The following NOPCHAP1 variants were observed in gnomAD, a reference collection of about 807,000 sequenced individuals.
NOPCHAP1 encodes the protein DNA damage-sensitive RNA 1.
A neutral mutation model predicts 14.0 loss-of-function variants in NOPCHAP1; 13 were observed. That is an observed-to-expected ratio of 0.93 (90% confidence interval 0.60 to 1.47). The LOEUF is 1.47. Among genes scored for constraint, NOPCHAP1 ranks in the 40% most tolerant of loss-of-function variants. The pLI, the probability that NOPCHAP1 is intolerant of heterozygous loss-of-function variation, is 0.00. For missense variants in NOPCHAP1, 230 were observed against 226.9 expected (o/e 1.01, Z -0.09); for synonymous variants, 78 against 78.4 (o/e 1.00, Z 0.03).
chr12:104,992,086 G>A (rs1388071425), intron 3 of NOPCHAP1, among the ~76,000 whole-genome samples: 4 of 152,176 alleles, frequency 2.6e-5, no homozygotes, highest in Middle Eastern at 3.4e-3. Context: ...TAATTTACTC[G>A]ATGTCCTAAC....
chr12:104,990,713 G>A (rs529045721), intron 2 of NOPCHAP1, among the ~76,000 whole-genome samples: 2 of 152,210 alleles, frequency 1.3e-5, no homozygotes, highest in Non-Finnish European at 2.9e-5. Flanking sequence ...ATTTGGCACA[G>A]TGACTGACAG....
chr12:105,008,894 T>A lies in NOPCHAP1; in HGVS notation c.*14198T>A, dbSNP rs907772509. 1 of 152,222 alleles carries A rather than the reference T, an allele frequency of 6.6e-6. No individual in the cohort carries two copies. Among genetic ancestry groups the A allele is most frequent in the African/African-American group, 2.4e-5 (1 of 41,458 alleles). The allele number at this position is 152,222 out of a possible 1,614,324, so 9.4% of individuals were successfully genotyped here. On this transcript the variant is annotated 3_prime_UTR_variant, in exon 4 of 4. Coordinates refer to ENST00000552951, the MANE Select transcript of NOPCHAP1 (RefSeq NM_152318.3). ...TGTTTTGGTTACTATAGCCTTGTAGTATAGTTTGAAGTCAGGTAGCGTGAT... is the reference window on the plus strand; with the variant it reads ...TGTTTTGGTTACTATAGCCTTGTAGAATAGTTTGAAGTCAGGTAGCGTGAT...
rs1214279406 is a variant in NOPCHAP1, at chr12:104,995,745, ATCTCAGC to A, written c.*1052_*1058del. ...GCTCAGGCTGGAGTGCAGTGGCGCGATCTCAGCTCACTACAAGCTCTGCCTCCCGGGT... is the reference window on the plus strand; with the variant it reads ...GCTCAGGCTGGAGTGCAGTGGCGCGATCACTACAAGCTCTGCCTCCCGGGT... On this transcript the variant is annotated 3_prime_UTR_variant, in exon 4 of 4. Coordinates refer to ENST00000552951, the MANE Select transcript of NOPCHAP1 (RefSeq NM_152318.3). 6.6e-6 allele frequency: 1 copy of A among 151,306 alleles called. No individual in the cohort carries two copies. Among genetic ancestry groups the A allele is most frequent in the African/African-American group, 2.4e-5 (1 of 41,020 alleles). The allele number at this position is 151,306 out of a possible 1,614,324, so 9.4% of individuals were successfully genotyped here. A position where few individuals can be genotyped will look rare whatever the true frequency, so the allele number is the denominator to read the frequency against.
chr12:104,991,208 T>C (rs1345666710), intron 2 of NOPCHAP1, among the ~76,000 whole-genome samples: 2 of 152,066 alleles, frequency 1.3e-5, no homozygotes, highest in African/African-American at 2.4e-5. Flanking sequence ...TAGGCATGTA[T>C]GGGGTGAGGG....
At position 105,006,196 on chromosome 12, in the gene NOPCHAP1, T is replaced by G. The variant is rs955223276; in HGVS notation, c.*11500T>G. 1 of 152,250 alleles carries G rather than the reference T, an allele frequency of 6.6e-6. No homozygotes were observed. The highest frequency in any genetic ancestry group is 2.4e-5 in the African/African-American group (1 of 41,468). The allele number at this position is 152,250 out of a possible 1,614,324, so 9.4% of individuals were successfully genotyped here. ...ACAGTTTTTTTCAGCACAAATTTAT[T>G]GTTTCAGGCTTGATGGCTTTCACAG... On this transcript the variant is annotated 3_prime_UTR_variant, in exon 4 of 4. Coordinates refer to ENST00000552951, the MANE Select transcript of NOPCHAP1 (RefSeq NM_152318.3).
In NOPCHAP1 at chr12:105,002,759, G is replaced by A. The variant is rs1873633484; in HGVS notation, c.*8063G>A. 1.3e-5 allele frequency: 2 copies of A among 152,124 alleles called. No homozygotes were observed. 9.4% of individuals were successfully genotyped at this position (152,124 alleles called of 1,614,324 possible). A position where few individuals can be genotyped will look rare whatever the true frequency, so the allele number is the denominator to read the frequency against. ...AGAGAGTCCTGGCTTGTAAGCTCCT[G>A]TGCAAATTCTAAAATCTTCAGTACA... On this transcript the variant is annotated 3_prime_UTR_variant, in exon 4 of 4. Transcript: ENST00000552951.
rs1873464668 is a variant in NOPCHAP1, at chr12:104,994,829, A to T, written c.*133A>T. 3.9e-6 allele frequency: 3 copies of T among 774,172 alleles called. No individual in the cohort carries two copies. The highest frequency in any genetic ancestry group is 6.3e-6 in the Non-Finnish European group (3 of 476,404). The allele number at this position is 774,172 out of a possible 1,614,324, so 48.0% of individuals were successfully genotyped here. On this transcript the variant is annotated 3_prime_UTR_variant, in exon 4 of 4. Transcript: ENST00000552951. Reference sequence around the variant, plus strand: ...TATGTTAAAAACTTTAGACAAGTTAAATTTGACAGAGTTTCTTTGGGCAAA... The same window carrying T: ...TATGTTAAAAACTTTAGACAAGTTATATTTGACAGAGTTTCTTTGGGCAAA...
chr12:104,993,108 G>A (rs1873419417), intron 3 of NOPCHAP1, among the ~76,000 whole-genome samples: 1 of 152,120 alleles, frequency 6.6e-6, no homozygotes, highest in Non-Finnish European at 1.5e-5. Flanking sequence ...CCTGATAGCT[G>A]TATTATTATT....
In NOPCHAP1 at chr12:104,997,204, T is replaced by G. The variant is rs1873517135; in HGVS notation, c.*2508T>G. 2 of 152,224 alleles carry G rather than the reference T, an allele frequency of 1.3e-5. No homozygotes were observed. Among genetic ancestry groups the G allele is most frequent in the South Asian group, 2.1e-4 (1 of 4,838 alleles). The allele number at this position is 152,224 out of a possible 1,614,324, so 9.4% of individuals were successfully genotyped here. The stretch of plus-strand genomic sequence containing the variant: ...TTACTAATCTACCTACTTAAGTGTG[T>G]TTTTGTAGCGGCTGGTAACCCAGTC... On this transcript the variant is annotated 3_prime_UTR_variant, in exon 4 of 4. Coordinates refer to ENST00000552951, the MANE Select transcript of NOPCHAP1 (RefSeq NM_152318.3).
At position 105,003,876 on chromosome 12, in the gene NOPCHAP1, T is replaced by C. The variant is rs1193429847; in HGVS notation, c.*9180T>C. On this transcript the variant is annotated 3_prime_UTR_variant, in exon 4 of 4. Transcript: ENST00000552951. ...TTTGTGCATGGTTTGATAACTTGACTGCCTATGACTGGCTGAAGCTCACCT... is the reference window on the plus strand; with the variant it reads ...TTTGTGCATGGTTTGATAACTTGACCGCCTATGACTGGCTGAAGCTCACCT... The C allele has an allele frequency of 1.3e-5, 2 of 152,242 alleles. No homozygotes were observed. The highest frequency in any genetic ancestry group is 4.1e-4 in the South Asian group (2 of 4,826). 9.4% of individuals were successfully genotyped at this position (152,242 alleles called of 1,614,324 possible).
In NOPCHAP1 at chr12:105,005,874, T is replaced by G. The variant is rs1873697866; in HGVS notation, c.*11178T>G. 1 of 152,262 alleles carries G rather than the reference T, an allele frequency of 6.6e-6. No homozygotes were observed. Among genetic ancestry groups the G allele is most frequent in the South Asian group, 2.1e-4 (1 of 4,828 alleles). The allele number at this position is 152,262 out of a possible 1,614,324, so 9.4% of individuals were successfully genotyped here. On this transcript the variant is annotated 3_prime_UTR_variant, in exon 4 of 4. Coordinates refer to ENST00000552951, the MANE Select transcript of NOPCHAP1 (RefSeq NM_152318.3). ...TTATAAAAGAAGTCAAAAGCAACCT[T>G]GAATGATCAGAACCCTTCTGCCAGA...
intron 3 of NOPCHAP1, among the ~76,000 whole-genome samples, chr12:104,993,425 C>T (rs1015718276): frequency 5.3e-5 from 8 of 152,072 alleles, no homozygotes; most frequent in African/African-American, 1.9e-4. Flanking sequence ...GCTCAGTGTC[C>T]TCAGTGGTCA....
In NOPCHAP1 at chr12:104,999,322, T is replaced by A. The variant is rs1873563743; in HGVS notation, c.*4626T>A. The stretch of plus-strand genomic sequence containing the variant: ...GGATCAGGTGGTCTGGTGCACGGTC[T>A]GTTGTGGGTGGGGGTAGTACTGGAG... On this transcript the variant is annotated 3_prime_UTR_variant, in exon 4 of 4. Transcript: ENST00000552951. The A allele has an allele frequency of 6.6e-6, 1 of 152,350 alleles. No homozygotes were observed. Among genetic ancestry groups the A allele is most frequent in the African/African-American group, 2.4e-5 (1 of 41,346 alleles). 9.4% of individuals were successfully genotyped at this position (152,350 alleles called of 1,614,324 possible).
chr12:104,994,798 CT>C lies in NOPCHAP1; in HGVS notation c.*106del. 1 of 1,017,596 alleles carries C rather than the reference CT, an allele frequency of 9.8e-7. No homozygotes were observed. The highest frequency in any genetic ancestry group is 1.5e-6 in the Non-Finnish European group (1 of 678,724). The allele number at this position is 1,017,596 out of a possible 1,614,324, so 63.0% of individuals were successfully genotyped here. On this transcript the variant is annotated 3_prime_UTR_variant, in exon 4 of 4. Coordinates refer to ENST00000552951, the MANE Select transcript of NOPCHAP1 (RefSeq NM_152318.3). ...TTTTGCTTTTCAGGCACCTATGGTG[CT>C]TTTATATGTTAAAAACTTTAGACAA...
chr12:105,015,930 T>G lies in NOPCHAP1; in HGVS notation c.*21234T>G, dbSNP rs866268360. On this transcript the variant is annotated 3_prime_UTR_variant, in exon 4 of 4. Coordinates refer to ENST00000552951, the MANE Select transcript of NOPCHAP1 (RefSeq NM_152318.3). ...AAGGATTTAAATGTAAAAAAAGAAA[T>G]TATAAGAGTTCCATACCGAAATGCA... 5.3e-5 allele frequency: 8 copies of G among 151,756 alleles called. No individual in the cohort carries two copies. Among genetic ancestry groups the G allele is most frequent in the Non-Finnish European group, 8.8e-5 (6 of 67,976 alleles). 9.4% of individuals were successfully genotyped at this position (151,756 alleles called of 1,614,324 possible). A position where few individuals can be genotyped will look rare whatever the true frequency, so the allele number is the denominator to read the frequency against.
At position 104,989,008 on chromosome 12, in the gene NOPCHAP1, A is replaced by AT. The variant is rs769118200; in HGVS notation, c.202+771dup. On this transcript the variant is annotated intron_variant, in intron 2 of 3. Coordinates refer to ENST00000552951, the MANE Select transcript of NOPCHAP1 (RefSeq NM_152318.3). ...GAATTGCGGGTATATAGAAGGTGTA[A>AT]TTTTTTTTTTTTTTTTACGAAGAAG... Among the ~76,000 whole-genome samples the AT allele has an allele frequency of 7.2e-3, 1,035 of 143,060 alleles. 2 individuals are homozygous for AT. Among genetic ancestry groups the AT allele is most frequent in the East Asian group, 0.012 (58 of 4,924 alleles). The allele number at this position is 143,060 out of a possible 152,430, so 93.9% of individuals were successfully genotyped here.
In NOPCHAP1 at chr12:105,015,373, G is replaced by T. The variant is rs977603725; in HGVS notation, c.*20677G>T. The T allele has an allele frequency of 5.9e-5, 9 of 152,198 alleles. No homozygotes were observed. The highest frequency in any genetic ancestry group is 1.9e-4 in the African/African-American group (8 of 41,452). The allele number at this position is 152,198 out of a possible 1,614,324, so 9.4% of individuals were successfully genotyped here. ...AATAATGATAATAAATGGATTAAAT[G>T]GATGCATGAAGGTATACAGGAGACT... On this transcript the variant is annotated 3_prime_UTR_variant, in exon 4 of 4. Transcript: ENST00000552951.
chr12:105,012,675 G>A lies in NOPCHAP1; in HGVS notation c.*17979G>A, dbSNP rs948239103. 2 of 152,142 alleles carry A rather than the reference G, an allele frequency of 1.3e-5. No homozygotes were observed. The highest frequency in any genetic ancestry group is 4.8e-5 in the African/African-American group (2 of 41,412). 9.4% of individuals were successfully genotyped at this position (152,142 alleles called of 1,614,324 possible). A position where few individuals can be genotyped will look rare whatever the true frequency, so the allele number is the denominator to read the frequency against. On this transcript the variant is annotated 3_prime_UTR_variant, in exon 4 of 4. Transcript: ENST00000552951. ...GGTAACCTTTGGGTGGGGTTTCTGT[G>A]TGGACGTCCTTTTTGTTGATGTAGA... is the stretch of plus-strand genomic sequence containing the variant.
rs1370031533 is a variant in NOPCHAP1, at chr12:105,000,524, A to G, written c.*5828A>G. The G allele has an allele frequency of 6.6e-6, 1 of 152,194 alleles. No individual in the cohort carries two copies. The highest frequency in any genetic ancestry group is 1.5e-5 in the Non-Finnish European group (1 of 68,038). The allele number at this position is 152,194 out of a possible 1,614,324, so 9.4% of individuals were successfully genotyped here. A position where few individuals can be genotyped will look rare whatever the true frequency, so the allele number is the denominator to read the frequency against. ...GAAAAGGAAAGATTAAGACAATAGG[A>G]AATAAGGGAAAAAGAAAAGGGACAT... On this transcript the variant is annotated 3_prime_UTR_variant, in exon 4 of 4. Coordinates refer to ENST00000552951, the MANE Select transcript of NOPCHAP1 (RefSeq NM_152318.3).
Sources: gnomAD v4.1 joint callset for allele counts (sites outside exome capture counted in the v4.1 genomes callset) on GRCh38, gnomAD v4.1.1 for gene constraint, MANE v1.5 for transcripts, NCBI Gene and HGNC (gene_info 2026-07-23, HGNC 2026-07-21) for gene names.